The following SLC22A23 variants were observed in gnomAD, a reference collection of about 807,000 sequenced individuals.
SLC22A23 encodes the protein solute carrier family 22 member 23.
A neutral mutation model predicts 61.0 loss-of-function variants in SLC22A23; 26 were observed. That is an observed-to-expected ratio of 0.43 (90% confidence interval 0.31 to 0.59). The LOEUF (loss-of-function observed/expected upper bound fraction) is 0.59, where lower values mean the gene tolerates loss of function less well. Ranked by LOEUF, SLC22A23 falls within the 20% of genes least tolerant of loss-of-function variation. The pLI, the probability that SLC22A23 is intolerant of heterozygous loss-of-function variation, is 0.11. For synonymous variants in SLC22A23, 430 were observed against 413.9 expected, an observed-to-expected ratio of 1.04 and a Z score of -0.47; for missense variants, 796 against 934.7, an observed-to-expected ratio of 0.85 and a Z score of 1.94.
At chr6:3,452,368 G>A (rs991246515) in intron 1 of SLC22A23, among the ~76,000 whole-genome samples, 1 of 152,038 alleles carries the variant, frequency 6.6e-6, no homozygotes, top group African/African-American at 2.4e-5. Flanking sequence ...CGAGGCAGAA[G>A]GACAGCTTGA....
chr6:3,407,444 A>T (rs936912518), intron 3 of SLC22A23, among the ~76,000 whole-genome samples: 2 of 152,190 alleles, frequency 1.3e-5, no homozygotes, highest in African/African-American at 4.8e-5. Flanking sequence ...GGTCACCCCA[A>T]CCATATCCTA....
At chr6:3,418,150 G>A (rs2127525826) in intron 1 of SLC22A23, among the ~76,000 whole-genome samples, 1 of 152,240 alleles carries the variant, frequency 6.6e-6, no homozygotes, top group Admixed American at 6.5e-5. Flanking sequence ...CATGCCTTTG[G>A]GAGCCTCAGT....
Position 3,299,998 on chromosome 6 carries a change from C to CTTT in SLC22A23, c.1083-1783_1083-1781dup, listed in dbSNP as rs869114176. On this transcript the variant is annotated intron_variant, in intron 4 of 9. Coordinates refer to ENST00000406686, the MANE Select transcript of SLC22A23 (RefSeq NM_015482.2). Reference sequence around the variant, plus strand: ...ACCTGCTTTGCAAGCTCAGGATAGACTTTTTTTTTTTTTTTTTTTTTTTTT... The same window carrying CTTT: ...ACCTGCTTTGCAAGCTCAGGATAGACTTTTTTTTTTTTTTTTTTTTTTTTTTTT... Among the ~76,000 whole-genome samples the CTTT allele has an allele frequency of 1.0e-3, 80 of 78,794 alleles. 11 individuals carry two copies. The highest frequency in any genetic ancestry group is 2.9e-3 in the African/African-American group (65 of 22,582). 51.7% of individuals were successfully genotyped at this position (78,794 alleles called of 152,430 possible).
In SLC22A23 at chr6:3,271,536, C is replaced by G. The variant is rs1758474044; in HGVS notation, c.*1519G>C. On this transcript the variant is annotated 3_prime_UTR_variant, in exon 10 of 10. Coordinates refer to ENST00000406686, the MANE Select transcript of SLC22A23 (RefSeq NM_015482.2). ...AGCAACTGTCGGTTGGAAGTCACTT[C>G]ATTGTCTCACCCAGGCCCGAGACCA... 1 of 152,398 alleles carries G rather than the reference C, an allele frequency of 6.6e-6. No homozygotes were observed. The highest frequency in any genetic ancestry group is 2.1e-4 in the South Asian group (1 of 4,832). The allele number at this position is 152,398 out of a possible 1,614,324, so 9.4% of individuals were successfully genotyped here.
At chr6:3,366,609 T>C (rs1013881663) in intron 3 of SLC22A23, among the ~76,000 whole-genome samples, 1 of 152,220 alleles carries the variant, frequency 6.6e-6, no homozygotes, top group Non-Finnish European at 1.5e-5. Flanking sequence ...TCCTGAGTTA[T>C]TGCTATTCAA....
chr6:3,269,368 A>G lies in SLC22A23; in HGVS notation c.*3687T>C, dbSNP rs979096987. On this transcript the variant is annotated 3_prime_UTR_variant, in exon 10 of 10. Transcript: ENST00000406686. Reference sequence around the variant, plus strand: ...GTGACGCAGTGAGGTCTGAATGAACACGGAGGATTTTATTACTCACCATTA... The same window carrying G: ...GTGACGCAGTGAGGTCTGAATGAACGCGGAGGATTTTATTACTCACCATTA... The G allele has an allele frequency of 6.6e-6, 1 of 152,384 alleles. No homozygotes were observed. The highest frequency in any genetic ancestry group is 2.4e-5 in the African/African-American group (1 of 41,440). 9.4% of individuals were successfully genotyped at this position (152,384 alleles called of 1,614,324 possible).
At chr6:3,352,268 C>T (rs1764815355) in intron 3 of SLC22A23, among the ~76,000 whole-genome samples, 1 of 126,858 alleles carries the variant, frequency 7.9e-6, no homozygotes, top group Admixed American at 7.3e-5. Flanking sequence ...CACACACAGA[C>T]ATGCACACAC....
At chr6:3,275,581 C>T (rs1241450110) in intron 9 of SLC22A23, among the ~76,000 whole-genome samples, 1 of 152,170 alleles carries the variant, frequency 6.6e-6, no homozygotes, top group East Asian at 1.9e-4. Flanking sequence ...GGACTTGTAA[C>T]TAGAATATAT....
chr6:3,275,666 T>TCTGC (rs1172770076), intron 9 of SLC22A23, among the ~76,000 whole-genome samples: 4 of 152,334 alleles, frequency 2.6e-5, no homozygotes, highest in Non-Finnish European at 4.4e-5. Flanking sequence ...CACTGCAAGC[T>TCTGC]CTGCCTCCCA....
At chr6:3,274,576 T>A (rs1758725404) in intron 9 of SLC22A23, among the ~76,000 whole-genome samples, 1 of 152,216 alleles carries the variant, frequency 6.6e-6, no homozygotes, top group South Asian at 2.1e-4. Context: ...GGCAGGTAGA[T>A]AACTCCAGCT....
chr6:3,310,305 CCACT>C (rs1221259041), intron 4 of SLC22A23, among the ~76,000 whole-genome samples: 2 of 144,502 alleles, frequency 1.4e-5, no homozygotes, highest in East Asian at 2.1e-4. Context: ...ACCCTGTCTC[CCACT>C]CAAGCACCCT....
chr6:3,406,649 C>T (rs977679518), intron 3 of SLC22A23, among the ~76,000 whole-genome samples: 1 of 152,108 alleles, frequency 6.6e-6, no homozygotes, highest in South Asian at 2.1e-4. Context: ...TTAGAGGCCA[C>T]TACTGTGCTG....
At chr6:3,296,746 G>A (rs536059234) in intron 5 of SLC22A23, among the ~76,000 whole-genome samples, 70 of 152,232 alleles carry the variant, frequency 4.6e-4, no homozygotes, top group Admixed American at 1.0e-3. Context: ...TCCAGCCTGG[G>A]TGACCTGACT....
intron 3 of SLC22A23, among the ~76,000 whole-genome samples, chr6:3,402,222 T>G (rs183146476): frequency 6.6e-6 from 1 of 152,306 alleles, no homozygotes; most frequent in East Asian, 1.9e-4. Context: ...TCCCAGCTCC[T>G]AGCTTGGCCT....
chr6:3,336,325 TC>T (rs953770850), intron 3 of SLC22A23, among the ~76,000 whole-genome samples: 2 of 152,216 alleles, frequency 1.3e-5, no homozygotes, highest in African/African-American at 4.8e-5. Context: ...ACTGCCATAG[TC>T]GCCTGTGACC....
intron 4 of SLC22A23, among the ~76,000 whole-genome samples, chr6:3,307,556 A>G (rs1269940766): frequency 6.6e-6 from 1 of 152,228 alleles, no homozygotes; most frequent in East Asian, 1.9e-4. Context: ...CCACTGCAGG[A>G]TAGTCATATG....
At chr6:3,419,800 A>G (rs1769996791) in intron 1 of SLC22A23, among the ~76,000 whole-genome samples, 1 of 152,220 alleles carries the variant, frequency 6.6e-6, no homozygotes, top group African/African-American at 2.4e-5. Context: ...CTGAAATACC[A>G]GAGTGGCTTC....
At chr6:3,422,700 C>A (rs989858332) in intron 1 of SLC22A23, among the ~76,000 whole-genome samples, 28 of 152,220 alleles carry the variant, frequency 1.8e-4, no homozygotes, top group African/African-American at 6.3e-4. Flanking sequence ...TTGGGTACTC[C>A]GGGGAAATTT....
intron 3 of SLC22A23, among the ~76,000 whole-genome samples, chr6:3,400,575 C>A (rs1183739674): frequency 6.6e-6 from 1 of 152,234 alleles, no homozygotes; most frequent in East Asian, 1.9e-4. Context: ...GGTCAGCCAC[C>A]TGCCCAATCT....
Sources: allele counts gnomAD v4.1 joint callset (sites outside exome capture counted in the v4.1 genomes callset), GRCh38; gene constraint gnomAD v4.1.1; transcripts MANE v1.5; gene names NCBI Gene and HGNC (gene_info 2026-07-23, HGNC 2026-07-21).